The following RBFOX1 variants were observed in gnomAD, a reference collection of about 807,000 sequenced individuals.
RBFOX1 encodes the protein RNA binding fox-1 homolog 1, also known as RNA binding protein fox-1 homolog 1.
RBFOX1 carries 8 observed loss-of-function variants against 57.7 expected under a neutral mutation model. The ratio of observed to expected loss-of-function variants is 0.14; its 90% CI spans 0.08 to 0.25. RBFOX1 has a LOEUF of 0.25. Among genes scored for constraint, RBFOX1 ranks in the 10% least tolerant of loss-of-function variants. The pLI, the probability that RBFOX1 is intolerant of heterozygous loss-of-function variation, is 1.00. For synonymous variants in RBFOX1, 326 were observed against 222.4 expected, an observed-to-expected ratio of 1.47 and a Z score of -4.15; for missense variants, 611 against 548.5, an observed-to-expected ratio of 1.11 and a Z score of -1.14.
intron 1 of RBFOX1, among the ~76,000 whole-genome samples, chr16:5,310,120 TAG>T (rs1481288482): frequency 1.3e-5 from 2 of 152,108 alleles, no homozygotes. Flanking sequence ...CGGCTGAGTG[TAG>T]AGGTAAAAAG....
At chr16:6,916,930 A>T (rs1041401154) in intron 3 of RBFOX1, among the ~76,000 whole-genome samples, 2 of 151,982 alleles carry the variant, frequency 1.3e-5, no homozygotes, top group East Asian at 3.9e-4. Context: ...GCTCACTGCA[A>T]CCTCCACCTT....
chr16:7,132,895 T>A (rs1426479926), intron 4 of RBFOX1, among the ~76,000 whole-genome samples: 2 of 152,208 alleles, frequency 1.3e-5, no homozygotes, highest in African/African-American at 4.8e-5. Flanking sequence ...CCCTGACATA[T>A]GTGCATAAAA....
At chr16:7,633,507 AATTT>A (rs1004731263) in intron 11 of RBFOX1, among the ~76,000 whole-genome samples, 4 of 152,098 alleles carry the variant, frequency 2.6e-5, no homozygotes, top group Admixed American at 2.6e-4. Context: ...GGTTCATAGC[AATTT>A]TTTTTCAAAA....
intron 3 of RBFOX1, among the ~76,000 whole-genome samples, chr16:6,862,004 G>A (rs1291311952): frequency 1.3e-5 from 2 of 151,960 alleles, no homozygotes; most frequent in African/African-American, 4.8e-5. Context: ...TACAGACTGT[G>A]GAGTGTGTAA....
intron 1 of RBFOX1, among the ~76,000 whole-genome samples, chr16:5,331,613 C>T (rs561440294): frequency 3.9e-5 from 6 of 152,364 alleles, no homozygotes; most frequent in African/African-American, 1.4e-4. Context: ...CAAAGCCAGT[C>T]ACATGGCCAA....
At chr16:7,263,809 A>G (rs1219832716) in intron 4 of RBFOX1, among the ~76,000 whole-genome samples, 1 of 151,884 alleles carries the variant, frequency 6.6e-6, no homozygotes, top group African/African-American at 2.4e-5. Flanking sequence ...CTGAGGCGGG[A>G]GAATCGCTTG....
chr16:7,570,881 A>G (rs1386168261), intron 5 of RBFOX1, among the ~76,000 whole-genome samples: 2 of 152,218 alleles, frequency 1.3e-5, no homozygotes, highest in African/African-American at 4.8e-5. Context: ...GTACATATAC[A>G]CCGTGAAATA....
At chr16:7,041,302 C>T (rs572960593) in intron 3 of RBFOX1, among the ~76,000 whole-genome samples, 2 of 152,038 alleles carry the variant, frequency 1.3e-5, no homozygotes, top group African/African-American at 4.8e-5. Flanking sequence ...GCTGCTTTTC[C>T]ACCATAATGG....
At chr16:6,004,138 G>A (rs936078454) in intron 4 of RBFOX1, among the ~76,000 whole-genome samples, 9 of 152,124 alleles carry the variant, frequency 5.9e-5, no homozygotes, top group Admixed American at 2.6e-4. Context: ...CATAGCACAC[G>A]TTTGCCTGTG....
chr16:6,333,604 C>T (rs1188421361), intron 2 of RBFOX1, among the ~76,000 whole-genome samples: 1 of 152,040 alleles, frequency 6.6e-6, no homozygotes, highest in African/African-American at 2.4e-5. Flanking sequence ...ATTTCTACAC[C>T]TCTGAAAAAC....
chr16:7,648,718 C>G (rs111835652), intron 11 of RBFOX1, among the ~76,000 whole-genome samples: 3 of 152,080 alleles, frequency 2.0e-5, no homozygotes, highest in African/African-American at 7.2e-5. Context: ...GATGAAGACC[C>G]TTTAATAGGT....
At chr16:7,656,533 C>T (rs1568315118) in intron 12 of RBFOX1, among the ~76,000 whole-genome samples, 1 of 147,446 alleles carries the variant, frequency 6.8e-6, no homozygotes, top group Admixed American at 6.6e-5. Flanking sequence ...GTTAGAAATA[C>T]TTGTTTTCAG....
intron 1 of RBFOX1, among the ~76,000 whole-genome samples, chr16:6,132,535 C>T (rs943246234): frequency 6.6e-6 from 1 of 152,120 alleles, no homozygotes; most frequent in Non-Finnish European, 1.5e-5. Context: ...CTTTCCTGAC[C>T]AGTACGGTAC....
intron 3 of RBFOX1, among the ~76,000 whole-genome samples, chr16:5,608,952 C>T (rs2151236935): frequency 6.6e-6 from 1 of 152,326 alleles, no homozygotes; most frequent in East Asian, 1.9e-4. Context: ...TGGTCAGACT[C>T]CTTTCTTCCC....
intron 2 of RBFOX1, among the ~76,000 whole-genome samples, chr16:6,440,048 T>C (rs1332520215): frequency 6.6e-6 from 1 of 151,280 alleles, no homozygotes; most frequent in East Asian, 2.0e-4. Flanking sequence ...GCAATCCTCC[T>C]GCCTCAGCCT....
At chr16:7,079,087 T>C (rs942103794) in intron 4 of RBFOX1, among the ~76,000 whole-genome samples, 3 of 151,958 alleles carry the variant, frequency 2.0e-5, no homozygotes, top group Admixed American at 6.6e-5. Context: ...TTTATTTACG[T>C]GTATCTATCC....
chr16:6,436,022 G>T (rs8048643), intron 2 of RBFOX1, among the ~76,000 whole-genome samples: 1 of 152,098 alleles, frequency 6.6e-6, no homozygotes, highest in Admixed American at 6.5e-5. Flanking sequence ...TAAAAGTCAA[G>T]TTAGAAATGG....
At chr16:6,968,445 C>T (rs2084778934) in intron 3 of RBFOX1, among the ~76,000 whole-genome samples, 1 of 152,138 alleles carries the variant, frequency 6.6e-6, no homozygotes, top group Non-Finnish European at 1.5e-5. Flanking sequence ...TAAAAGCATG[C>T]TGCCTGACGC....
intron 1 of RBFOX1, among the ~76,000 whole-genome samples, chr16:6,184,391 C>G (rs2344665): frequency 0.97 from 147,558 of 152,194 alleles, 71,696 homozygotes; most frequent in East Asian, 1. Flanking sequence ...AGACATTACA[C>G]TCATGGGGGT....
Sources: allele counts gnomAD v4.1 joint callset (sites outside exome capture counted in the v4.1 genomes callset), GRCh38; gene constraint gnomAD v4.1.1; transcripts MANE v1.5; gene names NCBI Gene and HGNC (gene_info 2026-07-23, HGNC 2026-07-21).